Variants in GABRA4 observed in about 807,000 individuals in gnomAD.
The protein encoded by GABRA4 is gamma-aminobutyric acid receptor subunit alpha-4.
A neutral mutation model predicts 49.7 loss-of-function variants in GABRA4; 12 were observed. The observed-to-expected ratio is 0.24, with a 90% CI of 0.15 to 0.39. The LOEUF is 0.39. Ranked by LOEUF, GABRA4 falls within the 10% of genes least tolerant of loss-of-function variation. The pLI is 1.00. For synonymous variants in GABRA4, 288 were observed against 240.2 expected (o/e 1.20, Z -1.84); for missense variants, 506 against 686.0 (o/e 0.74, Z 2.93).
intron 6 of GABRA4, among the ~76,000 whole-genome samples, 162 bp downstream of exon 6, chr4:46,974,070 T>C (rs1723050539): frequency 6.6e-6 from 1 of 151,926 alleles, no homozygotes; most frequent in Non-Finnish European, 1.5e-5. Context: ...AGTAAGATTA[T>C]AAATATAAAG....
At chr4:46,930,442 C>A (rs1721387472) in intron 8 of GABRA4, among the ~76,000 whole-genome samples, 1 of 151,770 alleles carries the variant, frequency 6.6e-6, no homozygotes, top group Admixed American at 6.6e-5. Flanking sequence ...AAAAAAAGAA[C>A]AAGGTATATC....
chr4:46,974,098 T>A (rs565317218), intron 6 of GABRA4, 134 bp downstream of exon 6: 20 of 722,860 alleles, frequency 2.8e-5, no homozygotes, highest in African/African-American at 7.2e-5. Flanking sequence ...GAGCTATAAC[T>A]CATGCATCAA....
At chr4:46,935,950 T>C (rs1577746640) in intron 8 of GABRA4, among the ~76,000 whole-genome samples, 1 of 152,198 alleles carries the variant, frequency 6.6e-6, no homozygotes, top group Non-Finnish European at 1.5e-5. Flanking sequence ...ATAGGTAGTA[T>C]GGGTGCGAAT....
intron 7 of GABRA4, among the ~76,000 whole-genome samples, chr4:46,965,492 C>A (rs957666673): frequency 6.6e-6 from 1 of 151,714 alleles, no homozygotes; most frequent in South Asian, 2.1e-4. Flanking sequence ...TTGGAAAATT[C>A]TTTGGGCTTT....
At chr4:46,940,730 A>C (rs951571439) in intron 8 of GABRA4, among the ~76,000 whole-genome samples, 2 of 150,286 alleles carry the variant, frequency 1.3e-5, no homozygotes, top group African/African-American at 4.9e-5. Context: ...GACACCCCCC[A>C]CTCTCAACAC....
At chr4:46,984,030 A>G (rs1342799381) in intron 2 of GABRA4, among the ~76,000 whole-genome samples, 1 of 152,110 alleles carries the variant, frequency 6.6e-6, no homozygotes, top group Non-Finnish European at 1.5e-5. Flanking sequence ...GCAATTAACG[A>G]TGAATCAGAT....
intron 1 of GABRA4, 30 bp from the exon 2 acceptor site, chr4:46,992,976 G>T: frequency 6.9e-7 from 1 of 1,456,504 alleles, no homozygotes; most frequent in Non-Finnish European, 9.6e-7. Context: ...AACCGGGGGC[G>T]GAGGAGATTA....
At chr4:46,984,018 A>G (rs1240228324) in intron 2 of GABRA4, among the ~76,000 whole-genome samples, 1 of 152,096 alleles carries the variant, frequency 6.6e-6, no homozygotes, top group Non-Finnish European at 1.5e-5. Context: ...GAAAGAGGGA[A>G]GGCAATTAAC....
chr4:46,960,668 A>C (rs1012505860), intron 8 of GABRA4, among the ~76,000 whole-genome samples: 1 of 151,634 alleles, frequency 6.6e-6, no homozygotes, highest in Non-Finnish European at 1.5e-5. Context: ...TAGAATATTT[A>C]GCAAATAATT....
At chr4:46,938,513 A>C (rs985882773) in intron 8 of GABRA4, among the ~76,000 whole-genome samples, 2 of 152,140 alleles carry the variant, frequency 1.3e-5, no homozygotes, top group Admixed American at 1.3e-4. Flanking sequence ...CTCAGGAATT[A>C]TAAGCCATGT....
chr4:46,957,868 G>C (rs1577768979), intron 8 of GABRA4, among the ~76,000 whole-genome samples: 1 of 151,880 alleles, frequency 6.6e-6, no homozygotes, highest in East Asian at 1.9e-4. Context: ...TATTTTATAA[G>C]TTGTTAGAAT....
chr4:46,927,102 G>T lies in GABRA4; in HGVS notation c.*1123C>A, dbSNP rs1721257120. On this transcript the variant is annotated 3_prime_UTR_variant, in exon 9 of 9. Transcript: ENST00000264318. ...CTATGTCTGATGATTCTGTGATTCT[G>T]ATCAAATTCTACTCTGTGACTCTGA... 6.6e-6 allele frequency: 1 copy of T among 151,872 alleles called. No homozygotes were observed. The highest frequency in any genetic ancestry group is 6.6e-5 in the Admixed American group (1 of 15,216). 9.4% of individuals were successfully genotyped at this position (151,872 alleles called of 1,614,324 possible).
At chr4:46,989,485 TTTTC>T (rs1723667616) in intron 2 of GABRA4, among the ~76,000 whole-genome samples, 1 of 152,166 alleles carries the variant, frequency 6.6e-6, no homozygotes, top group African/African-American at 2.4e-5. Context: ...TCTTCTCGCC[TTTTC>T]CCCTTTTCTT....
intron 7 of GABRA4, among the ~76,000 whole-genome samples, chr4:46,966,637 T>C (rs1483815640): frequency 6.6e-6 from 1 of 151,638 alleles, no homozygotes; most frequent in Non-Finnish European, 1.5e-5. Context: ...TGCATGGAAA[T>C]AAAAACTCAT....
intron 2 of GABRA4, among the ~76,000 whole-genome samples, chr4:46,980,713 A>ATTTTATGATAG (rs1468831325): frequency 6.6e-6 from 1 of 152,106 alleles, no homozygotes; most frequent in Non-Finnish European, 1.5e-5. Context: ...CATGATAGTA[A>ATTTTATGATAG]TAAGCTCATT....
In GABRA4 at chr4:46,922,628, A is replaced by G. The variant is rs1242216858; in HGVS notation, c.*5597T>C. The G allele has an allele frequency of 6.6e-6, 1 of 152,212 alleles. No individual in the cohort carries two copies. Among genetic ancestry groups the G allele is most frequent in the African/African-American group, 2.4e-5 (1 of 41,462 alleles). The allele number at this position is 152,212 out of a possible 1,614,324, so 9.4% of individuals were successfully genotyped here. A position where few individuals can be genotyped will look rare whatever the true frequency, so the allele number is the denominator to read the frequency against. On this transcript the variant is annotated 3_prime_UTR_variant, in exon 9 of 9. Coordinates refer to ENST00000264318, the MANE Select transcript of GABRA4 (RefSeq NM_000809.4). ...ATGAGAAGCTCAAAGAAGATATTTCAATAAAGCAATGGTAAAAATAGAGAA... is the reference window on the plus strand; with the variant it reads ...ATGAGAAGCTCAAAGAAGATATTTCGATAAAGCAATGGTAAAAATAGAGAA...
chr4:46,943,380 T>G (rs1721881026), intron 8 of GABRA4, among the ~76,000 whole-genome samples: 4 of 152,116 alleles, frequency 2.6e-5, no homozygotes, highest in African/African-American at 9.7e-5. Flanking sequence ...TGCAAAGACA[T>G]TCAACATTTT....
intron 8 of GABRA4, among the ~76,000 whole-genome samples, chr4:46,940,729 C>A (rs557195583): frequency 7.2e-5 from 11 of 151,746 alleles, no homozygotes; most frequent in Non-Finnish European, 1.2e-4. Context: ...AGACACCCCC[C>A]ACTCTCAACA....
In GABRA4 at chr4:46,977,467, G is replaced by A. The variant is rs756554009; in HGVS notation, c.437C>T (p.Thr146Ile). 3 of 1,609,958 alleles carry A rather than the reference G, an allele frequency of 1.9e-6. No homozygotes were observed. The highest frequency in any genetic ancestry group is 1.1e-5 in the South Asian group (1 of 90,940). ...AATTCTAAAAAGCTTATTTGGAGCT[G>A]TCATATTATGTGAGACAGATTTCTT... ...NGKKSVSHNM[T>I]APNKLFRIMR... Residue 146 changes from threonine to isoleucine, a missense_variant, in exon 4 of 9, where the codon ACA becomes ATA. Physicochemically the swap from Thr to Ile is moderately conservative, Grantham distance 89. Coordinates refer to ENST00000264318, the MANE Select transcript of GABRA4 (RefSeq NM_000809.4).
Sources: gnomAD v4.1 joint callset for allele counts (sites outside exome capture counted in the v4.1 genomes callset) on GRCh38, gnomAD v4.1.1 for gene constraint, MANE v1.5 for transcripts, NCBI Gene and HGNC (gene_info 2026-07-23, HGNC 2026-07-21) for gene names.